The following TEX11 variants were observed in gnomAD, a reference collection of about 807,000 sequenced individuals.
The protein encoded by TEX11 is testis-expressed protein 11.
Under a neutral mutation model 84.4 loss-of-function variants are expected in TEX11, and 7 were observed. The observed-to-expected ratio is 0.08, with a 90% CI of 0.05 to 0.16. The LOEUF is 0.16. TEX11 is among the 10% of genes least tolerant of loss of function. TEX11 has a pLI of 1.00. For missense variants in TEX11, 551 were observed against 660.5 expected (o/e 0.83, Z 1.82); for synonymous variants, 264 against 222.8 (o/e 1.18, Z -1.64).
At chrX:70,598,120 G>A (rs987510868) in intron 24 of TEX11, among the ~76,000 whole-genome samples, 2 of 112,169 alleles carry the variant, frequency 1.8e-5, no homozygotes, top group African/African-American at 3.2e-5. Flanking sequence ...GGCAGAGATT[G>A]CAGTGAGCTG....
At chrX:70,586,970 C>A (rs1354824492) in intron 25 of TEX11, among the ~76,000 whole-genome samples, 3 of 111,938 alleles carry the variant, frequency 2.7e-5, no homozygotes, top group Non-Finnish European at 5.6e-5. Context: ...CATAATCTCA[C>A]ATGGAGATGA....
intron 9 of TEX11, among the ~76,000 whole-genome samples, chrX:70,746,849 C>A (rs2090770988): frequency 8.9e-6 from 1 of 112,099 alleles, no homozygotes. Context: ...TCTAGGGGTC[C>A]AGAAGACTGT....
intron 9 of TEX11, among the ~76,000 whole-genome samples, chrX:70,759,228 A>T (rs2147767448): frequency 8.9e-6 from 1 of 111,984 alleles, no homozygotes; most frequent in South Asian, 3.8e-4. Context: ...AAACTATTCC[A>T]ATCAATAGAA....
At chrX:70,561,516 T>G (rs192960108) in intron 25 of TEX11, among the ~76,000 whole-genome samples, 1 of 106,402 alleles carries the variant, frequency 9.4e-6, no homozygotes, top group Non-Finnish European at 1.9e-5. Context: ...GCCTCCCGAG[T>G]AGCTGGGACT....
In TEX11 at chrX:70,539,038, A is replaced by ATATTTTTT; in HGVS notation, c.2521-9040_2521-9039insAAAAAATA. ...CTTGGAAATATATATATATATATAT[A>ATATTTTTT]TTTTTTTTTTTTTTAAGATGGAGTC... is the stretch of plus-strand genomic sequence containing the variant. On this transcript the variant is annotated intron_variant, in intron 28 of 29. Transcript: ENST00000374333. Among the ~76,000 whole-genome samples the ATATTTTTT allele has an allele frequency of 5.6e-3, 232 of 41,245 alleles. 8 individuals carry two copies. The highest frequency in any genetic ancestry group is 0.021 in the African/African-American group (224 of 10,888). The allele number at this position is 41,245 out of a possible 115,157, so 35.8% of individuals were successfully genotyped here. A position where few individuals can be genotyped will look rare whatever the true frequency, so the allele number is the denominator to read the frequency against.
At chrX:70,671,906 T>C (rs1206060235) in intron 15 of TEX11, among the ~76,000 whole-genome samples, 1 of 71,163 alleles carries the variant, frequency 1.4e-5, no homozygotes, top group African/African-American at 4.7e-5. Context: ...TATATATATA[T>C]ATATACACAC....
chrX:70,706,974 C>T (rs1366666909), intron 13 of TEX11, among the ~76,000 whole-genome samples: 1 of 111,087 alleles, frequency 9.0e-6, no homozygotes, highest in Admixed American at 9.6e-5. Flanking sequence ...ATAAATGACT[C>T]CAATTTACTT....
intron 9 of TEX11, among the ~76,000 whole-genome samples, chrX:70,781,250 C>T (rs1364042975): frequency 8.9e-6 from 1 of 111,982 alleles, no homozygotes; most frequent in Non-Finnish European, 1.9e-5. Context: ...AACTAACAAA[C>T]AGAAAGAAAT....
chrX:70,601,915 A>G (rs373136777), intron 24 of TEX11, among the ~76,000 whole-genome samples: 3 of 109,860 alleles, frequency 2.7e-5, no homozygotes, highest in Non-Finnish European at 3.8e-5. Context: ...GAACAAAATG[A>G]AAAGTCTCCC....
chrX:70,524,547 T>G (rs2087805054), downstream of TEX11, among the ~76,000 whole-genome samples: 1 of 112,253 alleles, frequency 8.9e-6, no homozygotes, highest in South Asian at 3.7e-4. Context: ...TACAATCAAT[T>G]AGATGGTTTT....
chrX:70,750,344 C>T (rs1369708413), intron 9 of TEX11, among the ~76,000 whole-genome samples: 1 of 111,527 alleles, frequency 9.0e-6, no homozygotes, highest in East Asian at 2.8e-4. Context: ...ACTAGTTCAA[C>T]CATTGTGGAA....
rs763456834 is a variant in TEX11 at position 70,621,128 on chromosome X, G to A, written c.1751+2822C>T. On this transcript the variant is annotated intron_variant, in intron 20 of 29. Coordinates refer to ENST00000374333, the MANE Select transcript of TEX11 (RefSeq NM_031276.3). ...TTGTAATAACTGTAGCACTCTGGCG[G>A]GGAATGGAGGAGGCTATGCATGTGG... Among the ~76,000 whole-genome samples the A allele has an allele frequency of 2.7e-5, 3 of 110,664 alleles. No homozygotes were observed. In the East Asian group the frequency reaches 8.6e-4, roughly 32 times the overall value.
chrX:70,611,758 A>C (rs1008203354), intron 20 of TEX11, among the ~76,000 whole-genome samples: 2 of 111,017 alleles, frequency 1.8e-5, no homozygotes, highest in East Asian at 2.8e-4. Flanking sequence ...GTCCCACTTA[A>C]TGGGGGAGAA....
intron 5 of TEX11, among the ~76,000 whole-genome samples, chrX:70,853,644 A>G (rs2091520685): frequency 8.9e-6 from 1 of 112,726 alleles, no homozygotes; most frequent in South Asian, 3.6e-4. Flanking sequence ...AATGCTTCAC[A>G]TACTTGAAGA....
chrX:70,746,105 T>C (rs1024715961), intron 9 of TEX11, among the ~76,000 whole-genome samples: 1 of 111,878 alleles, frequency 8.9e-6, no homozygotes, highest in Non-Finnish European at 1.9e-5. Flanking sequence ...TGAGAGTCTA[T>C]GGCATTTGAA....
chrX:70,741,668 T>C (rs192618617), intron 10 of TEX11, among the ~76,000 whole-genome samples: 2 of 111,298 alleles, frequency 1.8e-5, no homozygotes, highest in African/African-American at 6.5e-5. Context: ...ATATGGAATA[T>C]GAATATTCCA....
chrX:70,823,807 G>C (rs749575560), intron 8 of TEX11, among the ~76,000 whole-genome samples: 46 of 110,063 alleles, frequency 4.2e-4, no homozygotes, highest in African/African-American at 1.5e-3. Context: ...AGGAGTTCGA[G>C]ACCAGCCTGG....
chrX:70,536,667 C>T (rs945895695), intron 28 of TEX11, among the ~76,000 whole-genome samples: 5 of 112,057 alleles, frequency 4.5e-5, no homozygotes, highest in Admixed American at 9.5e-5. Flanking sequence ...CAGTCCTGTT[C>T]TATTAATCTC....
intron 17 of TEX11, among the ~76,000 whole-genome samples, chrX:70,639,459 G>T (rs1368407864): frequency 1.8e-5 from 2 of 112,261 alleles, no homozygotes; most frequent in African/African-American, 3.2e-5. Context: ...CTCCACCTCT[G>T]GGGGCAGGGC....
Sources: allele counts gnomAD v4.1 joint callset (sites outside exome capture counted in the v4.1 genomes callset), GRCh38; gene constraint gnomAD v4.1.1; transcripts MANE v1.5; gene names NCBI Gene and HGNC (gene_info 2026-07-23, HGNC 2026-07-21).